Variants in SFMBT1 observed in about 807,000 individuals in gnomAD.
SFMBT1 encodes the protein scm-like with four MBT domains protein 1.
A neutral mutation model predicts 108.7 loss-of-function variants in SFMBT1; 32 were observed. That is an observed-to-expected ratio of 0.29 (90% CI 0.22 to 0.40). The LOEUF is 0.40. SFMBT1 is among the 10% of genes least tolerant of loss of function. SFMBT1 has a pLI of 1.00. For missense variants in SFMBT1, 816 were observed against 1,059.6 expected, an observed-to-expected ratio of 0.77 and a Z score of 3.19; for synonymous variants, 348 against 369.5, an observed-to-expected ratio of 0.94 and a Z score of 0.67.
intron 1 of SFMBT1, among the ~76,000 whole-genome samples, chr3:53,033,318 G>A (rs1475346307): frequency 2.0e-5 from 3 of 151,930 alleles, no homozygotes; most frequent in Admixed American, 6.6e-5. Flanking sequence ...ACATCACCAC[G>A]CCCAGCTAAC....
chr3:52,944,889 C>T (rs1703306663), intron 3 of SFMBT1, among the ~76,000 whole-genome samples: 1 of 151,828 alleles, frequency 6.6e-6, no homozygotes, highest in African/African-American at 2.4e-5. Context: ...GCAATCTCGG[C>T]TCACTGCAAC....
chr3:53,023,159 G>T (rs1443174140), intron 1 of SFMBT1, among the ~76,000 whole-genome samples: 1 of 152,182 alleles, frequency 6.6e-6, no homozygotes, highest in African/African-American at 2.4e-5. Flanking sequence ...CTGAGTAACA[G>T]ATGACTCTAA....
rs1702264917 is a variant in SFMBT1 at position 52,913,495 on chromosome 3, C to T, written c.1603G>A (p.Val535Ile). The change falls in exon 15 of 21, where the codon GTT becomes ATT. Residue 535 changes from valine to isoleucine, a missense_variant. By Grantham distance (29) the Val-to-Ile change is conservative. Around this residue, in one of 5 missense-constraint regions of SFMBT1, gnomAD observed 16 missense variants for 57.5 expected, o/e 0.28. Coordinates refer to ENST00000394752, the MANE Select transcript of SFMBT1 (RefSeq NM_016329.4). ...AACCTTACCTCTCTAAGGACCAGAA[C>T]ACAGTTCCCAGGTCCTACACATTGA... ...LPQCVGPGNC[V>I]LVLREVLTLL... is the part of the protein sequence containing the mutation. 6.2e-7 allele frequency: 1 copy of T among 1,613,912 alleles called. No homozygotes were observed. The highest frequency in any genetic ancestry group is 1.7e-5 in the Admixed American group (1 of 59,974).
chr3:52,988,255 T>A (rs1704997990), intron 1 of SFMBT1, among the ~76,000 whole-genome samples: 1 of 152,230 alleles, frequency 6.6e-6, no homozygotes, highest in Non-Finnish European at 1.5e-5. Flanking sequence ...AATTTAAAGA[T>A]GCCTAGACTA....
At chr3:53,014,441 G>A (rs1338952658) in intron 1 of SFMBT1, among the ~76,000 whole-genome samples, 2 of 151,850 alleles carry the variant, frequency 1.3e-5, no homozygotes, top group South Asian at 2.1e-4. Flanking sequence ...CTGCACTCCC[G>A]CCTGGGTGAC....
At chr3:52,999,240 A>T (rs1698453461) in intron 1 of SFMBT1, among the ~76,000 whole-genome samples, 1 of 150,616 alleles carries the variant, frequency 6.6e-6, no homozygotes, top group Admixed American at 6.7e-5. Context: ...TCCCGGGGTG[A>T]AGGTGGATAA....
chr3:53,009,033 G>A (rs1013168220), intron 1 of SFMBT1, among the ~76,000 whole-genome samples: 12 of 152,104 alleles, frequency 7.9e-5, no homozygotes, highest in South Asian at 2.1e-4. Flanking sequence ...CCAACTACTC[G>A]GGAGGCTTGA....
intron 1 of SFMBT1, among the ~76,000 whole-genome samples, chr3:53,017,798 C>A (rs902810158): frequency 6.6e-6 from 1 of 152,138 alleles, no homozygotes; most frequent in African/African-American, 2.4e-5. Flanking sequence ...CTATATACAC[C>A]TTGTGCTGTT....
intron 10 of SFMBT1, 50 bp from the exon 11 acceptor site, chr3:52,921,881 C>G (rs1559511408): frequency 6.3e-7 from 1 of 1,587,398 alleles, no homozygotes. Flanking sequence ...ACAGTATTAA[C>G]TCACGTGCTC....
At chr3:52,980,119 A>G (rs1704658144) in intron 1 of SFMBT1, among the ~76,000 whole-genome samples, 1 of 152,100 alleles carries the variant, frequency 6.6e-6, no homozygotes. Context: ...CAAATCTATT[A>G]TTAAAAGTTA....
At chr3:52,951,213 C>CTTTT (rs1553637585) in intron 3 of SFMBT1, among the ~76,000 whole-genome samples, 1 of 53,530 alleles carries the variant, frequency 1.9e-5, no homozygotes, top group Admixed American at 1.4e-4. Flanking sequence ...TTCTCTAACA[C>CTTTT]TCTTTTTTCC....
intron 1 of SFMBT1, among the ~76,000 whole-genome samples, chr3:52,975,625 A>G (rs1368874708): frequency 6.6e-6 from 1 of 152,110 alleles, no homozygotes; most frequent in Non-Finnish European, 1.5e-5. Context: ...TTGTTTTGAG[A>G]CAGTCTACTT....
At chr3:53,044,246 C>G (rs558137406) in intron 1 of SFMBT1, among the ~76,000 whole-genome samples, 15 of 152,310 alleles carry the variant, frequency 9.8e-5, no homozygotes, top group African/African-American at 3.6e-4. Context: ...ACTGTGATTT[C>G]TAAGAATCTT....
intron 1 of SFMBT1, among the ~76,000 whole-genome samples, chr3:53,027,698 A>G (rs1428696833): frequency 6.6e-6 from 1 of 152,192 alleles, no homozygotes; most frequent in African/African-American, 2.4e-5. Flanking sequence ...CTTTTTTCAC[A>G]GGCATGGATG....
At chr3:52,931,180 A>C (rs989525089) in intron 6 of SFMBT1, 145 bp from the exon 7 acceptor site, 1 of 675,120 alleles carries the variant, frequency 1.5e-6, no homozygotes, top group Non-Finnish European at 2.5e-6. Flanking sequence ...CTTTACATTC[A>C]AAGAACTTGC....
At chr3:52,994,325 T>C (rs1386085603) in intron 1 of SFMBT1, among the ~76,000 whole-genome samples, 1 of 150,364 alleles carries the variant, frequency 6.7e-6, no homozygotes, top group Non-Finnish European at 1.5e-5. Context: ...ATTAAATTAC[T>C]GGACCTAGGT....
chr3:52,941,081 G>T (rs1263161445), intron 4 of SFMBT1, among the ~76,000 whole-genome samples: 2 of 152,194 alleles, frequency 1.3e-5, no homozygotes, highest in Non-Finnish European at 2.9e-5. Flanking sequence ...TAAATGCAAT[G>T]TGATTCTAGA....
At chr3:53,041,130 T>C (rs1430546270) in intron 1 of SFMBT1, among the ~76,000 whole-genome samples, 3 of 151,842 alleles carry the variant, frequency 2.0e-5, no homozygotes, top group Admixed American at 2.0e-4. Flanking sequence ...GCCTATTTTT[T>C]GTTTTTAAAT....
chr3:53,033,351 G>T (rs1393203546), intron 1 of SFMBT1, among the ~76,000 whole-genome samples: 1 of 151,944 alleles, frequency 6.6e-6, no homozygotes, highest in Non-Finnish European at 1.5e-5. Context: ...AGTAGAGACG[G>T]GGTTTCACCA....
Sources: allele counts gnomAD v4.1 joint callset (sites outside exome capture counted in the v4.1 genomes callset), GRCh38; gene constraint gnomAD v4.1.1; regional missense constraint gnomAD v4.1.1; transcripts MANE v1.5; gene names NCBI Gene and HGNC (gene_info 2026-07-23, HGNC 2026-07-21).